The following RMDN2 variants were observed in gnomAD, a reference collection of about 807,000 sequenced individuals.
RMDN2 encodes regulator of microtubule dynamics 2.
RMDN2 carries 61 observed loss-of-function variants against 52.8 expected under a neutral mutation model. That is an observed-to-expected ratio of 1.16 (90% CI 0.94 to 1.43). The LOEUF (loss-of-function observed/expected upper bound fraction) is 1.43. Ranked by LOEUF, RMDN2 falls within the 40% of genes most tolerant of loss-of-function variation. RMDN2 has a pLI of 0.00. For synonymous variants in RMDN2, 180 were observed against 153.1 expected (o/e 1.18, Z -1.30); for missense variants, 592 against 475.3 (o/e 1.25, Z -2.28).
chr2:37,984,512 C>A (rs572216153), intron 5 of RMDN2, among the ~76,000 whole-genome samples: 2 of 152,244 alleles, frequency 1.3e-5, no homozygotes, highest in East Asian at 3.9e-4. Flanking sequence ...GTAATCAGAG[C>A]AATACAACAA....
At chr2:38,050,189 C>A (rs1039070292) in intron 10 of RMDN2, among the ~76,000 whole-genome samples, 4 of 152,052 alleles carry the variant, frequency 2.6e-5, no homozygotes, top group African/African-American at 9.7e-5. Context: ...CTCTGTGAGA[C>A]CTCGCACCAT....
chr2:37,930,721 C>T (rs1433595459), intron 2 of RMDN2, among the ~76,000 whole-genome samples: 2 of 152,170 alleles, frequency 1.3e-5, no homozygotes, highest in Non-Finnish European at 2.9e-5. Context: ...CCACATTCCC[C>T]AAAGAAGTAG....
At chr2:37,995,562 C>A (rs768141685) in intron 7 of RMDN2, among the ~76,000 whole-genome samples, 1 of 152,110 alleles carries the variant, frequency 6.6e-6, no homozygotes, top group African/African-American at 2.4e-5. Context: ...TTTTCACCCA[C>A]CCCTTTTAGT....
At chr2:38,045,550 C>T (rs1366001543) in intron 10 of RMDN2, among the ~76,000 whole-genome samples, 5 of 152,056 alleles carry the variant, frequency 3.3e-5, no homozygotes, top group African/African-American at 4.8e-5. Context: ...CTCTTCCCAA[C>T]CACCCTCCAC....
chr2:37,955,887 C>T (rs1466248396), intron 2 of RMDN2, among the ~76,000 whole-genome samples: 3 of 152,126 alleles, frequency 2.0e-5, no homozygotes, highest in African/African-American at 7.2e-5. Context: ...TCCTTGCATT[C>T]CTGGAATAAA....
At chr2:37,950,732 C>T (rs938296260) in intron 2 of RMDN2, 2 of 838,058 alleles carry the variant, frequency 2.4e-6, no homozygotes, top group Non-Finnish European at 4.0e-6. Flanking sequence ...GAAACATTCT[C>T]CCCAGAGAGA....
Position 37,929,271 on chromosome 2 carries a change from C to T in RMDN2, c.-7C>T, listed in dbSNP as rs1196421935. ...ATGTTTTTAATTTTAGAAACGAAAA[C>T]CAAGAAATGCCTTATTCCACAAACA... On this transcript the variant is annotated 5_prime_UTR_variant, in exon 2 of 11. Transcript: ENST00000354545. 4.0e-6 allele frequency: 6 copies of T among 1,494,166 alleles called. No homozygotes were observed. The highest frequency in any genetic ancestry group is 1.4e-5 in the African/African-American group (1 of 70,296). The allele number at this position is 1,494,166 out of a possible 1,614,324, so 92.6% of individuals were successfully genotyped here.
chr2:37,924,626 CAA>C (rs762366179), upstream of RMDN2, among the ~76,000 whole-genome samples: 4 of 152,352 alleles, frequency 2.6e-5, no homozygotes, highest in East Asian at 7.7e-4. Context: ...CTCAGCCTCC[CAA>C]AGTGCTGGGA....
chr2:37,930,011 A>G (rs943766299), intron 2 of RMDN2, among the ~76,000 whole-genome samples: 17 of 152,226 alleles, frequency 1.1e-4, no homozygotes, highest in African/African-American at 4.1e-4. Context: ...TGTATAACCT[A>G]CTGTTTTAAT....
chr2:37,977,820 G>A (rs1265628042), intron 4 of RMDN2, among the ~76,000 whole-genome samples: 2 of 150,536 alleles, frequency 1.3e-5, no homozygotes, highest in Admixed American at 6.6e-5. Context: ...GGGAAGAGGC[G>A]CTCCTCAGTT....
At chr2:37,925,656 G>A (rs1023477210) in intron 1 of RMDN2, among the ~76,000 whole-genome samples, 1 of 152,228 alleles carries the variant, frequency 6.6e-6, no homozygotes, top group Non-Finnish European at 1.5e-5. Context: ...CGCCACGGAA[G>A]CCCTAGCCCC....
intron 2 of RMDN2, among the ~76,000 whole-genome samples, chr2:37,942,248 C>G (rs925494973): frequency 7.2e-5 from 11 of 152,164 alleles, no homozygotes; most frequent in African/African-American, 1.4e-4. Context: ...TCTAACCTGT[C>G]CCAATGAGAT....
chr2:37,975,422 C>G, intron 4 of RMDN2, 108 bp downstream of exon 4: 1 of 631,134 alleles, frequency 1.6e-6, no homozygotes, highest in South Asian at 1.7e-5. Context: ...ATGGATGAAG[C>G]TGGAAACCAT....
intron 10 of RMDN2, among the ~76,000 whole-genome samples, chr2:38,060,592 G>A (rs1401108800): frequency 1.3e-5 from 2 of 152,274 alleles, no homozygotes; most frequent in African/African-American, 4.8e-5. Flanking sequence ...ATGTGAGCAG[G>A]GAGAGTGACA....
chr2:38,021,309 A>C (rs971582208), downstream of RMDN2, among the ~76,000 whole-genome samples: 10 of 152,188 alleles, frequency 6.6e-5, no homozygotes, highest in African/African-American at 2.4e-4. Context: ...AAAATGGAGC[A>C]ATCAGCAGGA....
chr2:38,065,818 G>GT (rs1328013500), intron 10 of RMDN2, among the ~76,000 whole-genome samples: 9 of 152,340 alleles, frequency 5.9e-5, no homozygotes, highest in African/African-American at 1.7e-4. Context: ...ATGACTGCTT[G>GT]TTTGTTTGGC....
intron 10 of RMDN2, among the ~76,000 whole-genome samples, chr2:38,006,873 C>A (rs564765346): frequency 1.3e-5 from 2 of 152,252 alleles, no homozygotes; most frequent in Admixed American, 6.5e-5. Flanking sequence ...TTTTGAGATA[C>A]GTCCCATCAA....
upstream of RMDN2, among the ~76,000 whole-genome samples, chr2:37,922,265 A>G (rs1572650136): frequency 6.6e-6 from 1 of 152,224 alleles, no homozygotes; most frequent in Non-Finnish European, 1.5e-5. Flanking sequence ...TTACAAATTA[A>G]GAAATTCAGC....
At chr2:37,946,879 G>A (rs1177792266) in intron 2 of RMDN2, among the ~76,000 whole-genome samples, 1 of 152,110 alleles carries the variant, frequency 6.6e-6, no homozygotes, top group Non-Finnish European at 1.5e-5. Flanking sequence ...TTGCTAGAAT[G>A]CATATGTACT....
Sources: gnomAD v4.1 joint callset for allele counts (sites outside exome capture counted in the v4.1 genomes callset) on GRCh38, gnomAD v4.1.1 for gene constraint, MANE v1.5 for transcripts, NCBI Gene and HGNC (gene_info 2026-07-23, HGNC 2026-07-21) for gene names.